The following ZBTB24 variants were observed in gnomAD, a reference collection of about 807,000 sequenced individuals.
The protein encoded by ZBTB24 is zinc finger and BTB domain-containing protein 24.
A neutral mutation model predicts 53.8 loss-of-function variants in ZBTB24; 32 were observed. The ratio of observed to expected loss-of-function variants is 0.60; its 90% confidence interval spans 0.45 to 0.80. The LOEUF is 0.80. ZBTB24 is among the 30% of genes least tolerant of loss of function. The probability of loss-of-function intolerance (pLI) is 0.00; values close to 1 mark genes in which losing one functional copy is unlikely to be tolerated. For synonymous variants in ZBTB24, 297 were observed against 306.7 expected (o/e 0.97, Z 0.33); for missense variants, 722 against 837.1 (o/e 0.86, Z 1.70).
At position 109,482,039 on chromosome 6, in the gene ZBTB24, C is replaced by T. The variant is rs1165527481; in HGVS notation, c.-13G>A. ...ATGTTTCTGCCATTTTCTTCAGAAG[C>T]CACTAAGGGTTAAATCTGAAATAAG... On this transcript the variant is annotated 5_prime_UTR_variant, in exon 2 of 7. Coordinates refer to ENST00000230122, the MANE Select transcript of ZBTB24 (RefSeq NM_014797.3). 6.2e-7 allele frequency: 1 copy of T among 1,611,066 alleles called. No homozygotes were observed. Among genetic ancestry groups the T allele is most frequent in the South Asian group, 1.1e-5 (1 of 90,990 alleles).
chr6:109,476,602 C>A (rs1459407045), intron 3 of ZBTB24, among the ~76,000 whole-genome samples, 161 bp downstream of exon 3: 1 of 152,232 alleles, frequency 6.6e-6, no homozygotes, highest in Non-Finnish European at 1.5e-5. Context: ...ATGATCCGTG[C>A]AGAACTCTAA....
Position 109,464,953 on chromosome 6 carries a change from A to AAT in ZBTB24, c.*897_*898insAT, listed in dbSNP as rs1318465156. 1.3e-5 allele frequency: 2 copies of AAT among 152,246 alleles called. No homozygotes were observed. The highest frequency in any genetic ancestry group is 2.9e-5 in the Non-Finnish European group (2 of 68,038). The allele number at this position is 152,246 out of a possible 1,614,324, so 9.4% of individuals were successfully genotyped here. ...CAGGAGATCAGTTAGAATTCAGTAG[A>AAT]GTATATATAAGACTTAAATTACACT... is the stretch of plus-strand genomic sequence containing the variant. On this transcript the variant is annotated 3_prime_UTR_variant, in exon 7 of 7. Transcript: ENST00000230122.
In ZBTB24 at chr6:109,465,688, T is replaced by C; in HGVS notation, c.*163A>G. On this transcript the variant is annotated 3_prime_UTR_variant, in exon 7 of 7. Coordinates refer to ENST00000230122, the MANE Select transcript of ZBTB24 (RefSeq NM_014797.3). ...CCTTAGACAAGACATACACACATCT[T>C]GCTACCTGGATGGAGGGCATTATAA... The C allele has an allele frequency of 6.3e-7, 1 of 1,597,828 alleles. No individual in the cohort carries two copies. The highest frequency in any genetic ancestry group is 8.5e-7 in the Non-Finnish European group (1 of 1,177,026).
rs1775993645 is a variant in ZBTB24 at position 109,464,798 on chromosome 6, C to T, written c.*1053G>A. ...TCTGGCCTGGGTGATACAGTGAGAC[C>T]CTGTCTCTAAAAAAGGAAAGATTAG... On this transcript the variant is annotated 3_prime_UTR_variant, in exon 7 of 7. Transcript: ENST00000230122. 6.6e-6 allele frequency: 1 copy of T among 151,980 alleles called. No homozygotes were observed. The highest frequency in any genetic ancestry group is 1.5e-5 in the Non-Finnish European group (1 of 67,992). The allele number at this position is 151,980 out of a possible 1,614,324, so 9.4% of individuals were successfully genotyped here. A position where few individuals can be genotyped will look rare whatever the true frequency, so the allele number is the denominator to read the frequency against.
At chr6:109,478,768 T>A (rs918506973) in intron 2 of ZBTB24, among the ~76,000 whole-genome samples, 13 of 144,312 alleles carry the variant, frequency 9.0e-5, no homozygotes, top group Middle Eastern at 3.4e-3. Context: ...ACATATGATT[T>A]AAAAAAAAAA....
chr6:109,475,582 A>G, intron 4 of ZBTB24, 100 bp from the exon 5 acceptor site: 1 of 1,431,072 alleles, frequency 7.0e-7, no homozygotes, highest in Non-Finnish European at 9.7e-7. Flanking sequence ...TAATCACTTT[A>G]AATATAGTAC....
intron 5 of ZBTB24, among the ~76,000 whole-genome samples, chr6:109,471,814 C>T (rs147737262): frequency 5.8e-4 from 88 of 152,260 alleles, no homozygotes; most frequent in African/African-American, 2.0e-3. Context: ...CCTGTGAACT[C>T]ATTTGGCTTG....
chr6:109,474,099 A>G (rs951454849), intron 5 of ZBTB24, among the ~76,000 whole-genome samples: 2 of 152,074 alleles, frequency 1.3e-5, no homozygotes, highest in Admixed American at 1.3e-4. Flanking sequence ...AAAAAAAAAA[A>G]AAAAAGTCCA....
At chr6:109,479,499 T>C (rs935168072) in intron 2 of ZBTB24, among the ~76,000 whole-genome samples, 8 of 152,256 alleles carry the variant, frequency 5.3e-5, no homozygotes, top group Non-Finnish European at 8.8e-5. Flanking sequence ...ATTGTAAAGA[T>C]GAATTGAACC....
In ZBTB24 at chr6:109,476,230, G is replaced by T; in HGVS notation, c.1149C>A (p.Cys383Ter). 6.2e-7 allele frequency: 1 copy of T among 1,613,906 alleles called. No individual in the cohort carries two copies. The highest frequency in any genetic ancestry group is 8.5e-7 in the Non-Finnish European group (1 of 1,179,990). Residue 383 changes from cysteine (C) to a stop codon, truncating the protein, a stop_gained, in exon 4 of 7, where the codon TGC becomes TGA. Coordinates refer to ENST00000230122, the MANE Select transcript of ZBTB24 (RefSeq NM_014797.3). LOFTEE classifies it high-confidence loss of function. ...GTCTGTTCTGGCTGAAATATTTTCC[G>T]CATTGATCACAGGTAAAAGACTTCT... ...SGQKSFTCDQ[C>*]GKYFSQNRQL...
At chr6:109,478,929 T>C (rs1776337828) in intron 2 of ZBTB24, among the ~76,000 whole-genome samples, 1 of 151,330 alleles carries the variant, frequency 6.6e-6, no homozygotes, top group African/African-American at 2.4e-5. Flanking sequence ...AAAAGATCAT[T>C]CAAATTAAAA....
chr6:109,481,470 A>C lies in ZBTB24; in HGVS notation c.557T>G (p.Leu186Ter), dbSNP rs750586813. 6.2e-7 allele frequency: 1 copy of C among 1,614,080 alleles called. No homozygotes were observed. Among genetic ancestry groups the C allele is most frequent in the Non-Finnish European group, 8.5e-7 (1 of 1,180,014 alleles). The change falls in exon 2 of 7, where the codon TTA (leucine) becomes TGA (stop). Residue 186 changes from leucine to a stop codon, truncating the protein, a stop_gained. Coordinates refer to ENST00000230122, the MANE Select transcript of ZBTB24 (RefSeq NM_014797.3). LOFTEE classifies it high-confidence loss of function. ...ATTCTGAACTGAATTGTTCACTCTTAACTGTATTTCTTCCTCTGCAGCCAG... is the reference window on the plus strand; with the variant it reads ...ATTCTGAACTGAATTGTTCACTCTTCACTGTATTTCTTCCTCTGCAGCCAG... ...SELAAEEEIQ[L>*]RVNNSVQNRQ...
rs574132417 is a variant in ZBTB24 at position 109,464,214 on chromosome 6, A to G, written c.*1637T>C. 2.0e-5 allele frequency: 3 copies of G among 152,348 alleles called. No homozygotes were observed. The highest frequency in any genetic ancestry group is 7.2e-5 in the African/African-American group (3 of 41,596). 9.4% of individuals were successfully genotyped at this position (152,348 alleles called of 1,614,324 possible). On this transcript the variant is annotated 3_prime_UTR_variant, in exon 7 of 7. Transcript: ENST00000230122. ...TTTAACATTAGTTTGGTTGATACAT[A>G]TAAGATATATATCATTTTGGAAGTT... is the stretch of plus-strand genomic sequence containing the variant.
In ZBTB24 at chr6:109,463,345, A is replaced by G. The variant is rs1247668066; in HGVS notation, c.*2506T>C. 6.6e-6 allele frequency: 1 copy of G among 152,170 alleles called. No individual in the cohort carries two copies. Among genetic ancestry groups the G allele is most frequent in the Non-Finnish European group, 1.5e-5 (1 of 68,026 alleles). 9.4% of individuals were successfully genotyped at this position (152,170 alleles called of 1,614,324 possible). ...TATGTGGGACAAAGAAAGAGGCTAGATTAACAAAGCTATCATTTCCTTGTT... is the reference window on the plus strand; with the variant it reads ...TATGTGGGACAAAGAAAGAGGCTAGGTTAACAAAGCTATCATTTCCTTGTT... On this transcript the variant is annotated 3_prime_UTR_variant, in exon 7 of 7. Coordinates refer to ENST00000230122, the MANE Select transcript of ZBTB24 (RefSeq NM_014797.3).
intron 1 of ZBTB24, 22 bp from the exon 2 acceptor site, chr6:109,482,076 T>G: frequency 6.4e-7 from 1 of 1,552,972 alleles, no homozygotes; most frequent in Non-Finnish European, 8.9e-7. Context: ...AAACAAGGTT[T>G]AAAAAGGAGA....
At chr6:109,473,507 T>C (rs1320194866) in intron 5 of ZBTB24, among the ~76,000 whole-genome samples, 2 of 152,090 alleles carry the variant, frequency 1.3e-5, no homozygotes, top group African/African-American at 4.8e-5. Flanking sequence ...CCCAAACCAG[T>C]CCATGCATAA....
rs997015689 is a variant in ZBTB24, at chr6:109,463,100, T to C, written c.*2751A>G. ...CTCCTGGGTTCAAGTGATTCTCCTG[T>C]CTCAGCCTCCCGAGTAGCTGGGATT... is the stretch of plus-strand genomic sequence containing the variant. On this transcript the variant is annotated 3_prime_UTR_variant, in exon 7 of 7. Transcript: ENST00000230122. 16 of 152,102 alleles carry C rather than the reference T, an allele frequency of 1.1e-4. No homozygotes were observed. The highest frequency in any genetic ancestry group is 2.2e-4 in the Non-Finnish European group (15 of 68,076). 9.4% of individuals were successfully genotyped at this position (152,102 alleles called of 1,614,324 possible). A position where few individuals can be genotyped will look rare whatever the true frequency, so the allele number is the denominator to read the frequency against.
Position 109,481,924 on chromosome 6 carries a change from A to T in ZBTB24, c.103T>A (p.Phe35Ile), listed in dbSNP as rs1776426779. 4 of 1,614,082 alleles carry T rather than the reference A, an allele frequency of 2.5e-6. No homozygotes were observed. The highest frequency in any genetic ancestry group is 3.4e-6 in the Non-Finnish European group (4 of 1,180,026). ...ASFEDQRKKG[F>I]LCDITLIVEN... ...ACGATTAAAGTAATGTCACAGAGGA[A>T]GCCTTTCTTCCTCTGATCCTCAAAA... Residue 35 changes from phenylalanine (F) to isoleucine (I), a missense_variant, in exon 2 of 7, where the codon TTC becomes ATC. Coordinates refer to ENST00000230122, the MANE Select transcript of ZBTB24 (RefSeq NM_014797.3).
intron 5 of ZBTB24, among the ~76,000 whole-genome samples, chr6:109,471,889 G>A (rs1776174249): frequency 6.6e-6 from 1 of 152,180 alleles, no homozygotes; most frequent in African/African-American, 2.4e-5. Context: ...AAGGGCCTGA[G>A]ATGTGGTGAC....
Sources: gnomAD v4.1 joint callset for allele counts (sites outside exome capture counted in the v4.1 genomes callset) on GRCh38, gnomAD v4.1.1 for gene constraint, MANE v1.5 for transcripts, NCBI Gene and HGNC (gene_info 2026-07-23, HGNC 2026-07-21) for gene names.